LIPC: variants seen among roughly 807,000 people sequenced by gnomAD.
The protein encoded by LIPC is hepatic triacylglycerol lipase.
A neutral mutation model predicts 50.7 loss-of-function variants in LIPC; 44 were observed. The ratio of observed to expected loss-of-function variants is 0.87; its 90% CI spans 0.68 to 1.11. LIPC has a LOEUF of 1.11. LIPC is among the 50% of genes most tolerant of loss of function. The probability of loss-of-function intolerance (pLI) is 0.00; values close to 1 mark genes in which losing one functional copy is unlikely to be tolerated. For synonymous variants in LIPC, 271 were observed against 256.4 expected, an observed-to-expected ratio of 1.06 and a Z score of -0.54; for missense variants, 697 against 648.2, an observed-to-expected ratio of 1.08 and a Z score of -0.82.
chr15:58,531,383 G>C (rs1892955667), intron 1 of LIPC, among the ~76,000 whole-genome samples: 1 of 152,076 alleles, frequency 6.6e-6, no homozygotes, highest in African/African-American at 2.4e-5. Flanking sequence ...TCCCCAGAGA[G>C]GATTCCAGTA....
intron 7 of LIPC, among the ~76,000 whole-genome samples, chr15:58,562,813 C>CCG (rs1555407535): frequency 2.0e-5 from 3 of 150,974 alleles, no homozygotes; most frequent in Non-Finnish European, 2.9e-5. Context: ...GGACCCCCCC[C>CCG]CAACCCCACC....
At chr15:58,469,345 G>A (rs1254421443) in intron 1 of LIPC, among the ~76,000 whole-genome samples, 1 of 152,098 alleles carries the variant, frequency 6.6e-6, no homozygotes. Context: ...AGAACTCTCA[G>A]CTCAGCTCTT....
At chr15:58,517,727 C>T (rs2140869836) in intron 1 of LIPC, among the ~76,000 whole-genome samples, 1 of 152,316 alleles carries the variant, frequency 6.6e-6, no homozygotes. Context: ...CACAAAAACA[C>T]CCATATAAGC....
At chr15:58,457,823 C>T (rs1228542617) in intron 1 of LIPC, among the ~76,000 whole-genome samples, 1 of 152,160 alleles carries the variant, frequency 6.6e-6, no homozygotes, top group African/African-American at 2.4e-5. Flanking sequence ...ACTTGTCCAC[C>T]TCCGTGATTC....
At position 58,547,104 on chromosome 15, in the gene LIPC, C is replaced by T. The variant is rs36205683; in HGVS notation, c.808+1129C>T. Among the ~76,000 whole-genome samples the T allele has an allele frequency of 9.9e-3, 1,508 of 152,270 alleles. 13 individuals carry two copies. Among genetic ancestry groups the T allele is most frequent in the Non-Finnish European group, 0.016 (1,102 of 68,010 alleles). ...TAAACACATTTCTGACCAATCATTA[C>T]CATTTGCTCTTTTGTGCTAAACTTC... On this transcript the variant is annotated intron_variant, in intron 5 of 8. Transcript: ENST00000299022.
chr15:58,562,418 A>G (rs1894197486), intron 7 of LIPC, among the ~76,000 whole-genome samples: 1 of 152,250 alleles, frequency 6.6e-6, no homozygotes, highest in South Asian at 2.1e-4. Flanking sequence ...GTATCTTTTG[A>G]CTTGGCACAG....
intron 1 of LIPC, among the ~76,000 whole-genome samples, chr15:58,464,107 T>G (rs2140718141): frequency 6.6e-6 from 1 of 152,274 alleles, no homozygotes; most frequent in African/African-American, 2.4e-5. Flanking sequence ...AAGCACTGTA[T>G]TATTTTTTAA....
At chr15:58,479,063 C>G (rs2140767891) in intron 1 of LIPC, among the ~76,000 whole-genome samples, 1 of 152,322 alleles carries the variant, frequency 6.6e-6, no homozygotes, top group South Asian at 2.1e-4. Context: ...CTATCGAGGA[C>G]TGCTTTTCAG....
intron 6 of LIPC, among the ~76,000 whole-genome samples, chr15:58,550,158 A>G (rs1893694170): frequency 6.6e-6 from 1 of 152,220 alleles, no homozygotes; most frequent in Non-Finnish European, 1.5e-5. Flanking sequence ...AAGAGTGAGC[A>G]GAGTGATTTT....
intron 1 of LIPC, among the ~76,000 whole-genome samples, chr15:58,471,331 G>GGGGGC (rs1894796032): frequency 7.2e-6 from 1 of 139,002 alleles, no homozygotes; most frequent in African/African-American, 2.8e-5. Context: ...GTAGAGATGG[G>GGGGGC]GGGGGGTGGT....
At chr15:58,550,908 C>G (rs929611457) in intron 6 of LIPC, among the ~76,000 whole-genome samples, 1 of 142,966 alleles carries the variant, frequency 7.0e-6, no homozygotes, top group Non-Finnish European at 1.5e-5. Flanking sequence ...GTGATCTTGG[C>G]TCACTGCAAC....
chr15:58,509,499 C>T (rs1892266774), intron 1 of LIPC, among the ~76,000 whole-genome samples: 1 of 152,208 alleles, frequency 6.6e-6, no homozygotes, highest in Non-Finnish European at 1.5e-5. Flanking sequence ...CCAAGGATTG[C>T]TGTGAAGATT....
chr15:58,541,504 G>A (rs12909325), intron 2 of LIPC, among the ~76,000 whole-genome samples: 45,480 of 151,472 alleles, frequency 0.3, 8,542 homozygotes, highest in Non-Finnish European at 0.42. Flanking sequence ...GGGGGGGAAC[G>A]TTTGGAAAAA....
At chr15:58,491,662 C>A (rs796954100) in intron 1 of LIPC, among the ~76,000 whole-genome samples, 6 of 152,334 alleles carry the variant, frequency 3.9e-5, no homozygotes, top group African/African-American at 1.4e-4. Flanking sequence ...GCAGCAACAA[C>A]TTCACAGTCG....
intron 1 of LIPC, 62 bp downstream of exon 1, chr15:58,432,182 AAAG>A: frequency 1.6e-6 from 2 of 1,253,122 alleles, no homozygotes; most frequent in South Asian, 2.4e-5. Context: ...CGTGTGTCAC[AAAG>A]AATCCAGGGG....
chr15:58,488,331 G>C (rs868336601), intron 1 of LIPC, among the ~76,000 whole-genome samples: 5 of 152,182 alleles, frequency 3.3e-5, no homozygotes, highest in Admixed American at 3.3e-4. Context: ...GCAATCTGAC[G>C]TCCACACTGG....
chr15:58,455,040 A>C (rs1411246781), intron 1 of LIPC: 1 of 152,250 alleles, frequency 6.6e-6, no homozygotes, highest in South Asian at 2.1e-4. Context: ...TGGAAATACT[A>C]TTCAATGATA....
At position 58,505,280 on chromosome 15, in the gene LIPC, C is replaced by A. The variant is rs528231251; in HGVS notation, c.89-33053C>A. ...AGCCTCTGCTACATATGGTCCCAGC[C>A]CCCCTACTCACCAGCCATGCGGCCT... On this transcript the variant is annotated intron_variant, in intron 1 of 8. Coordinates refer to ENST00000299022, the MANE Select transcript of LIPC (RefSeq NM_000236.3). Among the ~76,000 whole-genome samples, 3 of 152,330 alleles carry A rather than the reference C, an allele frequency of 2.0e-5. No individual in the cohort carries two copies. In the East Asian group the frequency reaches 5.8e-4, roughly 29 times the overall value.
chr15:58,565,700 T>G (rs370907879), intron 8 of LIPC: 37 of 1,000,346 alleles, frequency 3.7e-5, no homozygotes, highest in Middle Eastern at 1.0e-3. Flanking sequence ...CAACAGTTCC[T>G]TCTTCCATTA....
Sources: gnomAD v4.1 joint callset for allele counts (sites outside exome capture counted in the v4.1 genomes callset) on GRCh38, gnomAD v4.1.1 for gene constraint, MANE v1.5 for transcripts, NCBI Gene and HGNC (gene_info 2026-07-23, HGNC 2026-07-21) for gene names.